The following INPP1 variants were observed in gnomAD, a reference collection of about 807,000 sequenced individuals.
INPP1 encodes inositol polyphosphate-1-phosphatase.
In INPP1, 18 loss-of-function variants were observed where a neutral mutation model predicts 23.0. The ratio of observed to expected loss-of-function variants is 0.78; its 90% confidence interval spans 0.54 to 1.16. INPP1 has a LOEUF of 1.16. Ranked by LOEUF, INPP1 falls within the 50% of genes most tolerant of loss-of-function variation. The pLI is 0.00. For synonymous variants in INPP1, 164 were observed against 176.3 expected, an observed-to-expected ratio of 0.93 and a Z score of 0.55; for missense variants, 448 against 482.1, an observed-to-expected ratio of 0.93 and a Z score of 0.66.
In INPP1 at chr2:190,369,210, C is replaced by T; in HGVS notation, c.574C>T (p.Gln192Ter). 1 of 1,604,970 alleles carries T rather than the reference C, an allele frequency of 6.2e-7. No homozygotes were observed. Among genetic ancestry groups the T allele is most frequent in the Non-Finnish European group, 8.5e-7 (1 of 1,172,644 alleles). ...VTILIGVYDI[Q>*]TGVPLMGVIN... ...CATTTTAATTGGTGTCTATGACATA[C>T]AGACAGGGGTTCCCCTGATGGGAGT... The change falls in exon 6 of 7, where the codon CAG becomes TAG. Residue 192 changes from glutamine (Q) to a stop codon, truncating the protein, a stop_gained. Transcript: ENST00000392329. LOFTEE classifies it high-confidence loss of function.
At chr2:190,358,299 A>T (rs887728207) in intron 2 of INPP1, among the ~76,000 whole-genome samples, 2 of 150,980 alleles carry the variant, frequency 1.3e-5, no homozygotes, top group African/African-American at 2.4e-5. Flanking sequence ...CTGGTTTTGA[A>T]CTCCTGACCT....
In INPP1 at chr2:190,345,269, C is replaced by T. The variant is rs1324434539; in HGVS notation, c.-209+1308C>T. 6.6e-6 allele frequency among the ~76,000 whole-genome samples: 1 copy of T among 152,086 alleles called. No individual in the cohort carries two copies. The highest frequency in any genetic ancestry group is 1.5e-5 in the Non-Finnish European group (1 of 68,024). ...TTTTCAAGCTTTTGGACTAAACCAC[C>T]GCTTGCTTGGAAATTGCAGCTTTGA... On this transcript the variant is annotated intron_variant, in intron 1 of 6. Coordinates refer to ENST00000392329, the MANE Select transcript of INPP1 (RefSeq NM_001128928.2). The surrounding 1 kb of genome is among the most constrained non-coding windows in gnomAD (Gnocchi z 4.9).
rs1689413981 is a variant in INPP1, at chr2:190,355,989, A to G, written c.-64-4050A>G. ...AAGATAATTTCCATGAGTTTTAATA[A>G]ATGTATTGATAAAATGGAAGAATAA... is the stretch of plus-strand genomic sequence containing the variant. On this transcript the variant is annotated intron_variant, in intron 2 of 6. Coordinates refer to ENST00000392329, the MANE Select transcript of INPP1 (RefSeq NM_001128928.2). The surrounding 1 kb of genome is among the most constrained non-coding windows in gnomAD (Gnocchi z 5.1). Among the ~76,000 whole-genome samples, 2 of 151,882 alleles carry G rather than the reference A, an allele frequency of 1.3e-5. No homozygotes were observed. The highest frequency in any genetic ancestry group is 6.6e-5 in the Admixed American group (1 of 15,262).
At position 190,369,115 on chromosome 2, in the gene INPP1, A is replaced by G; in HGVS notation, c.479A>G (p.Gln160Arg). ...TTTCCTTTTTCAGATTCAACTTATC[A>G]GTATATAAAAGGTTCTGCTGACATT... ...IWVDPIDSTY[Q>R]YIKGSADIKS... Residue 160 changes from glutamine to arginine, a missense_variant, in exon 6 of 7, where the codon CAG becomes CGG. Coordinates refer to ENST00000392329, the MANE Select transcript of INPP1 (RefSeq NM_001128928.2). 1.3e-6 allele frequency: 2 copies of G among 1,570,518 alleles called. No individual in the cohort carries two copies. Among genetic ancestry groups the G allele is most frequent in the Admixed American group, 1.8e-5 (1 of 56,502 alleles).
At position 190,356,674 on chromosome 2, in the gene INPP1, C is replaced by T. The variant is rs1689426055; in HGVS notation, c.-64-3365C>T. ...TTATAAGGAGTGTTTCTTGGTTATT[C>T]AACAGTGTAGTTAGTATCGTTTCTT... is the stretch of plus-strand genomic sequence containing the variant. On this transcript the variant is annotated intron_variant, in intron 2 of 6. Coordinates refer to ENST00000392329, the MANE Select transcript of INPP1 (RefSeq NM_001128928.2). The surrounding 1 kb of genome is among the most constrained non-coding windows in gnomAD (Gnocchi z 6.4). 6.6e-6 allele frequency: 1 copy of T among 152,044 alleles called. No individual in the cohort carries two copies. Among genetic ancestry groups the T allele is most frequent in the Non-Finnish European group, 1.5e-5 (1 of 68,016 alleles). The allele number at this position is 152,044 out of a possible 1,614,324, so 9.4% of individuals were successfully genotyped here. A position where few individuals can be genotyped will look rare whatever the true frequency, so the allele number is the denominator to read the frequency against.
chr2:190,348,275 A>G (rs1372231616), intron 1 of INPP1, among the ~76,000 whole-genome samples: 1 of 152,186 alleles, frequency 6.6e-6, no homozygotes, highest in Non-Finnish European at 1.5e-5. Flanking sequence ...ATAAGTCAAC[A>G]AATATTTATT....
At chr2:190,369,430 T>G (rs948500000) in intron 6 of INPP1, among the ~76,000 whole-genome samples, 153 bp downstream of exon 6, 2 of 152,250 alleles carry the variant, frequency 1.3e-5, no homozygotes, top group Non-Finnish European at 2.9e-5. Flanking sequence ...AAAGTTCTAT[T>G]TTCAATCTTG....
At chr2:190,360,793 T>TTA (rs2067410) in intron 3 of INPP1, among the ~76,000 whole-genome samples, 1 of 151,966 alleles carries the variant, frequency 6.6e-6, no homozygotes, top group African/African-American at 2.4e-5. Flanking sequence ...GTTTTTTTTT[T>TTA]AACTTGATAT....
intron 4 of INPP1, among the ~76,000 whole-genome samples, chr2:190,364,257 C>T (rs918097836): frequency 1.3e-5 from 2 of 152,074 alleles, no homozygotes; most frequent in African/African-American, 4.8e-5. Context: ...TTCAGTAGGT[C>T]GGCCGGGCGC....
chr2:190,365,162 T>C (rs2124938516), intron 4 of INPP1: 1 of 169,346 alleles, frequency 5.9e-6, no homozygotes, highest in South Asian at 2.0e-4. Context: ...ATCAAGGGTC[T>C]AAGAAGCATG....
chr2:190,354,977 C>A lies in INPP1; in HGVS notation c.-64-5062C>A, dbSNP rs1689396308. ...TTTTTTTTTTTGCTATATAATGTAC[C>A]TTATAATACTAATGTACTTATGATT... On this transcript the variant is annotated intron_variant, in intron 2 of 6. Transcript: ENST00000392329. This position sits in a 1 kb window ranked among gnomAD's most constrained non-coding sequence, Gnocchi z 4.8. 7.1e-6 allele frequency among the ~76,000 whole-genome samples: 1 copy of A among 140,058 alleles called. No homozygotes were observed. Among genetic ancestry groups the A allele is most frequent in the African/African-American group, 3.0e-5 (1 of 33,798 alleles). The allele number at this position is 140,058 out of a possible 152,430, so 91.9% of individuals were successfully genotyped here.
At chr2:190,370,308 G>A (rs911411262) in intron 6 of INPP1, among the ~76,000 whole-genome samples, 1 of 152,134 alleles carries the variant, frequency 6.6e-6, no homozygotes, top group Non-Finnish European at 1.5e-5. Context: ...AGTAAGTTAA[G>A]CATTGATAAA....
intron 2 of INPP1, among the ~76,000 whole-genome samples, chr2:190,357,833 A>AAACT (rs1246351700): frequency 6.6e-6 from 1 of 152,226 alleles, no homozygotes; most frequent in Non-Finnish European, 1.5e-5. Context: ...GAGGGAATGT[A>AAACT]AACTTTAAAA....
In INPP1 at chr2:190,346,665, A is replaced by G. The variant is rs531434911; in HGVS notation, c.-208-2223A>G. Among the ~76,000 whole-genome samples the G allele has an allele frequency of 5.9e-5, 9 of 152,116 alleles. No homozygotes were observed. The East Asian group carries it at 1.5e-3, about 26-fold the overall frequency. On this transcript the variant is annotated intron_variant, in intron 1 of 6. Transcript: ENST00000392329. This position sits in a 1 kb window ranked among gnomAD's most constrained non-coding sequence, Gnocchi z 5.1. Reference sequence around the variant, plus strand: ...CACTCTGTCATCCAGGCTGGAGTACAGTGGTGTGATCATGGCTTATGCAGT... The same window carrying G: ...CACTCTGTCATCCAGGCTGGAGTACGGTGGTGTGATCATGGCTTATGCAGT...
Position 190,343,978 on chromosome 2 carries a change from C to A in INPP1, c.-209+17C>A. On this transcript the variant is annotated intron_variant, in intron 1 of 6. Transcript: ENST00000392329. Reference sequence around the variant, plus strand: ...CCGGCTTAGGTAACACGTTTTCCTCCTTACGACACCCACCACAGGGTCCCC... The same window carrying A: ...CCGGCTTAGGTAACACGTTTTCCTCATTACGACACCCACCACAGGGTCCCC... 1 of 289,864 alleles carries A rather than the reference C, an allele frequency of 3.4e-6. No individual in the cohort carries two copies. 18.0% of individuals were successfully genotyped at this position (289,864 alleles called of 1,614,324 possible).
chr2:190,364,553 A>T (rs201766519), intron 4 of INPP1, among the ~76,000 whole-genome samples: 29,720 of 144,406 alleles, frequency 0.21, 3,559 homozygotes, highest in East Asian at 0.41. Flanking sequence ...AAAAAAAAAA[A>T]AATTTCAGTA....
rs910615367 is a variant in INPP1, at chr2:190,363,915, G to A, written c.265+1228G>A. Among the ~76,000 whole-genome samples the A allele has an allele frequency of 6.6e-6, 1 of 152,176 alleles. No individual in the cohort carries two copies. Among genetic ancestry groups the A allele is most frequent in the African/African-American group, 2.4e-5 (1 of 41,446 alleles). ...AGAGAGGAAGAGGAGAGATGGTGAT[G>A]ATGATATTGCAGGCAAGACCAGATC... On this transcript the variant is annotated intron_variant, in intron 4 of 6. Transcript: ENST00000392329. This position sits in a 1 kb window ranked among gnomAD's most constrained non-coding sequence, Gnocchi z 4.4.
At position 190,367,227 on chromosome 2, in the gene INPP1, A is replaced by C. The variant is rs1689698851; in HGVS notation, c.466+332A>C. ...AGACTGGTAAGTAAATGAGAGAATGAAGTGAGAGCAGTTATGACCAATTGA... is the reference window on the plus strand; with the variant it reads ...AGACTGGTAAGTAAATGAGAGAATGCAGTGAGAGCAGTTATGACCAATTGA... On this transcript the variant is annotated intron_variant, in intron 5 of 6. Transcript: ENST00000392329. This position sits in a 1 kb window ranked among gnomAD's most constrained non-coding sequence, Gnocchi z 4.1. Among the ~76,000 whole-genome samples the C allele has an allele frequency of 6.6e-6, 1 of 152,194 alleles. No individual in the cohort carries two copies. The highest frequency in any genetic ancestry group is 2.4e-5 in the African/African-American group (1 of 41,462).
chr2:190,371,171 A>C lies in INPP1; in HGVS notation c.969A>C (p.Ile323=), dbSNP rs1358836266. 7 of 1,614,060 alleles carry C rather than the reference A, an allele frequency of 4.3e-6. No individual in the cohort carries two copies. Among genetic ancestry groups the C allele is most frequent in the Non-Finnish European group, 5.1e-6 (6 of 1,180,028 alleles). The change falls in exon 7 of 7, where the codon ATA becomes ATC. Residue 323 remains isoleucine (I), a synonymous_variant. Coordinates refer to ENST00000392329, the MANE Select transcript of INPP1 (RefSeq NM_001128928.2). This position sits in a 1 kb window ranked among gnomAD's most constrained non-coding sequence, Gnocchi z 5.3. ...GGGACTCTTGTGCTGCTCATGCCAT[A>C]CTGAGGGCCATGGGTGGGGGAATAG... ...FKWDSCAAHA[I]LRAMGGGIVD... is the part of the protein sequence containing the mutation.
Sources: allele counts gnomAD v4.1 joint callset (sites outside exome capture counted in the v4.1 genomes callset), GRCh38; gene constraint gnomAD v4.1.1; non-coding constraint Gnocchi (gnomAD v3.1); transcripts MANE v1.5; gene names NCBI Gene and HGNC (gene_info 2026-07-23, HGNC 2026-07-21).